The following TNR variants were observed in gnomAD, a reference collection of about 807,000 sequenced individuals.
TNR encodes tenascin-R.
A neutral mutation model predicts 150.4 loss-of-function variants in TNR; 45 were observed. The observed-to-expected ratio is 0.30, with a 90% confidence interval of 0.24 to 0.38. TNR has a LOEUF of 0.38. TNR is among the 10% of genes least tolerant of loss of function. The pLI, the probability that TNR is intolerant of heterozygous loss-of-function variation, is 1.00. For synonymous variants in TNR, 687 were observed against 678.4 expected (o/e 1.01, Z -0.20); for missense variants, 1,544 against 1,759.1 (o/e 0.88, Z 2.19).
chr1:175,328,993 A>C (rs1037086940), intron 21 of TNR, among the ~76,000 whole-genome samples: 1 of 152,222 alleles, frequency 6.6e-6, no homozygotes, highest in Non-Finnish European at 1.5e-5. Flanking sequence ...TTTTATGCCC[A>C]AAGTGTGGCA....
chr1:175,682,342 G>A (rs1016943286), intron 1 of TNR, among the ~76,000 whole-genome samples: 1 of 152,200 alleles, frequency 6.6e-6, no homozygotes, highest in East Asian at 1.9e-4. Flanking sequence ...TCTATGGAGT[G>A]GGGGTGACGA....
chr1:175,711,998 T>C (rs1667031939), intron 1 of TNR, among the ~76,000 whole-genome samples: 1 of 152,166 alleles, frequency 6.6e-6, no homozygotes, highest in Non-Finnish European at 1.5e-5. Flanking sequence ...GTGCTGCAGA[T>C]AGAAATTTGG....
intron 1 of TNR, among the ~76,000 whole-genome samples, chr1:175,713,524 C>G (rs1366914653): frequency 6.6e-6 from 1 of 152,198 alleles, no homozygotes; most frequent in Non-Finnish European, 1.5e-5. Context: ...TACTCCCCAC[C>G]ACCCCTATTG....
At chr1:175,348,438 C>T (rs1280637361) in intron 18 of TNR, among the ~76,000 whole-genome samples, 2 of 152,060 alleles carry the variant, frequency 1.3e-5, no homozygotes, top group Non-Finnish European at 2.9e-5. Flanking sequence ...ACTAAGATGC[C>T]TTTGGAAAAA....
intron 1 of TNR, among the ~76,000 whole-genome samples, chr1:175,696,234 T>TG (rs1558077913): frequency 3.4e-5 from 5 of 147,860 alleles, no homozygotes; most frequent in Admixed American, 6.7e-5. Context: ...TTTTTTTTTT[T>TG]TTTTTTTTTT....
chr1:175,611,481 C>A, intron 1 of TNR, among the ~76,000 whole-genome samples: 1 of 152,136 alleles, frequency 6.6e-6, no homozygotes, highest in South Asian at 2.1e-4. Flanking sequence ...TACAGGCACT[C>A]GCCACCATGC....
chr1:175,616,383 C>G (rs548790669), intron 1 of TNR, among the ~76,000 whole-genome samples: 33 of 152,176 alleles, frequency 2.2e-4, no homozygotes, highest in Non-Finnish European at 4.7e-4. Flanking sequence ...TGATCCTTAG[C>G]CCTCTGCAGG....
At chr1:175,610,683 T>C (rs941897502) in intron 1 of TNR, among the ~76,000 whole-genome samples, 7 of 152,240 alleles carry the variant, frequency 4.6e-5, no homozygotes, top group African/African-American at 9.6e-5. Flanking sequence ...TTGAGATGCT[T>C]GCAGATCTTA....
intron 1 of TNR, among the ~76,000 whole-genome samples, chr1:175,661,008 T>G (rs1416096867): frequency 7.9e-5 from 12 of 152,212 alleles, no homozygotes; most frequent in Admixed American, 7.2e-4. Context: ...AGAATCAGGA[T>G]GTGTGTCGAC....
intron 1 of TNR, among the ~76,000 whole-genome samples, chr1:175,577,607 G>A (rs750457462): frequency 6.6e-6 from 1 of 152,108 alleles, no homozygotes; most frequent in Non-Finnish European, 1.5e-5. Flanking sequence ...GTTTGGGAGC[G>A]AGGTAGGGAA....
chr1:175,365,479 C>T (rs1300178487), intron 11 of TNR, among the ~76,000 whole-genome samples, 200 bp from the exon 12 acceptor site: 1 of 152,190 alleles, frequency 6.6e-6, no homozygotes, highest in Non-Finnish European at 1.5e-5. Context: ...AAAATGGATT[C>T]TGTTAAAATG....
At chr1:175,418,445 C>T (rs1046248673) in intron 2 of TNR, among the ~76,000 whole-genome samples, 15 of 152,204 alleles carry the variant, frequency 9.9e-5, no homozygotes, top group African/African-American at 2.9e-4. Flanking sequence ...CAGTTGAGGC[C>T]GGGCGGAGTG....
At chr1:175,479,357 T>G (rs1657679535) in intron 2 of TNR, among the ~76,000 whole-genome samples, 1 of 152,196 alleles carries the variant, frequency 6.6e-6, no homozygotes, top group Admixed American at 6.5e-5. Flanking sequence ...CCTGACAAGT[T>G]TCCCCCCACC....
intron 2 of TNR, among the ~76,000 whole-genome samples, chr1:175,471,177 G>A (rs904525196): frequency 6.6e-6 from 1 of 152,170 alleles, no homozygotes; most frequent in Non-Finnish European, 1.5e-5. Context: ...TTAACACGCC[G>A]GGCTGAGTAA....
intron 1 of TNR, among the ~76,000 whole-genome samples, chr1:175,739,113 C>T (rs1354799270): frequency 6.6e-6 from 1 of 152,128 alleles, no homozygotes; most frequent in East Asian, 1.9e-4. Context: ...GAGCCTTCCC[C>T]TAAAAGAGCT....
intron 1 of TNR, among the ~76,000 whole-genome samples, chr1:175,694,716 C>G (rs181194143): frequency 1.0e-3 from 156 of 152,246 alleles, no homozygotes; most frequent in African/African-American, 3.5e-3. Flanking sequence ...TTAGAATGGG[C>G]CCTAATCCCC....
At chr1:175,657,716 A>G (rs1230130660) in intron 1 of TNR, among the ~76,000 whole-genome samples, 30 of 132,386 alleles carry the variant, frequency 2.3e-4, no homozygotes, top group Non-Finnish European at 4.4e-4. Flanking sequence ...TGGGAACTGA[A>G]CAATGAGAAC....
intron 1 of TNR, among the ~76,000 whole-genome samples, chr1:175,605,905 G>T (rs1017780512): frequency 6.6e-6 from 1 of 152,142 alleles, no homozygotes; most frequent in Non-Finnish European, 1.5e-5. Context: ...TCTGCTGTTT[G>T]GTCTGTCTAT....
Position 175,331,287 on chromosome 1 carries a change from G to A in TNR, c.3632-1052C>T, listed in dbSNP as rs143235393. On this transcript the variant is annotated intron_variant, in intron 20 of 22. Coordinates refer to ENST00000367674, the MANE Select transcript of TNR (RefSeq NM_003285.3). ...CCTTCCTTTCTTTCTTTCCTTCGACGGAATCTCTCTCTGTTGCCCAGGCTG... is the reference window on the plus strand; with the variant it reads ...CCTTCCTTTCTTTCTTTCCTTCGACAGAATCTCTCTCTGTTGCCCAGGCTG... Among the ~76,000 whole-genome samples, 287 of 116,520 alleles carry A rather than the reference G, an allele frequency of 2.5e-3. 1 individual carries two copies. Among genetic ancestry groups the A allele is most frequent in the African/African-American group, 8.8e-3 (264 of 30,002 alleles). The allele number at this position is 116,520 out of a possible 152,430, so 76.4% of individuals were successfully genotyped here. A position where few individuals can be genotyped will look rare whatever the true frequency, so the allele number is the denominator to read the frequency against.
Sources: gnomAD v4.1 joint callset for allele counts (sites outside exome capture counted in the v4.1 genomes callset) on GRCh38, gnomAD v4.1.1 for gene constraint, MANE v1.5 for transcripts, NCBI Gene and HGNC (gene_info 2026-07-23, HGNC 2026-07-21) for gene names.